LZIC: variants seen among roughly 807,000 people sequenced by gnomAD.
LZIC encodes protein LZIC.
Under a neutral mutation model 25.4 loss-of-function variants are expected in LZIC, and 28 were observed. The observed-to-expected ratio is 1.10, with a 90% CI of 0.82 to 1.51. LZIC has a LOEUF of 1.51. Among genes scored for constraint, LZIC ranks in the 40% most tolerant of loss-of-function variants. The pLI is 0.00. For synonymous variants in LZIC, 65 were observed against 70.7 expected (o/e 0.92, Z 0.40); for missense variants, 170 against 211.1 (o/e 0.81, Z 1.21).
chr1:9,942,994 G>C (rs1640834527), intron 1 of LZIC: 1 of 343,610 alleles, frequency 2.9e-6, no homozygotes, highest in Non-Finnish European at 5.8e-6. Context: ...CACGCCTTGA[G>C]GGATGGCGTC....
Position 9,930,206 on chromosome 1 carries a change from G to A in LZIC, c.*193C>T. The A allele has an allele frequency of 1.4e-6, 2 of 1,416,728 alleles. No homozygotes were observed. Among genetic ancestry groups the A allele is most frequent in the Non-Finnish European group, 1.8e-6 (2 of 1,081,648 alleles). The allele number at this position is 1,416,728 out of a possible 1,614,324, so 87.8% of individuals were successfully genotyped here. On this transcript the variant is annotated 3_prime_UTR_variant, in exon 8 of 8. Transcript: ENST00000377223. The stretch of plus-strand genomic sequence containing the variant: ...TCGCAACAAGTTCAGGATCACTCAA[G>A]CAGGTAACCGCACACAACGCACAAT...
downstream of LZIC, among the ~76,000 whole-genome samples, chr1:9,924,397 C>T (rs1293307211): frequency 1.3e-5 from 2 of 152,072 alleles, no homozygotes; most frequent in African/African-American, 2.4e-5. Flanking sequence ...CTCTGTCACC[C>T]AGGCTGGAGT....
chr1:9,930,917 C>G (rs1640184799), intron 7 of LZIC, among the ~76,000 whole-genome samples: 1 of 151,914 alleles, frequency 6.6e-6, no homozygotes, highest in South Asian at 2.1e-4. Context: ...GAGGGTTTCA[C>G]CCTGTTGGCC....
At chr1:9,925,280 TC>T (rs1639954437), downstream of LZIC, among the ~76,000 whole-genome samples, 1 of 151,892 alleles carries the variant, frequency 6.6e-6, no homozygotes, top group Non-Finnish European at 1.5e-5. Flanking sequence ...GCCATTGCAC[TC>T]CAGCCTGGGC....
In LZIC at chr1:9,930,222, A is replaced by G; in HGVS notation, c.*177T>C. On this transcript the variant is annotated 3_prime_UTR_variant, in exon 8 of 8. Transcript: ENST00000377223. ...ATCACTCAAGCAGGTAACCGCACAC[A>G]ACGCACAATGATGAAGAGCATAAAC... is the stretch of plus-strand genomic sequence containing the variant. 3 of 1,461,406 alleles carry G rather than the reference A, an allele frequency of 2.1e-6. No homozygotes were observed. Among genetic ancestry groups the G allele is most frequent in the Non-Finnish European group, 1.8e-6 (2 of 1,105,946 alleles). 90.5% of individuals were successfully genotyped at this position (1,461,406 alleles called of 1,614,324 possible).
downstream of LZIC, among the ~76,000 whole-genome samples, chr1:9,923,954 G>T (rs1343098876): frequency 6.6e-6 from 1 of 152,122 alleles, no homozygotes; most frequent in Non-Finnish European, 1.5e-5. Context: ...GTTTCACCAT[G>T]TTGGCCAGGC....
intron 3 of LZIC, 74 bp from the exon 4 acceptor site, chr1:9,935,701 A>T: frequency 7.5e-7 from 1 of 1,327,554 alleles, no homozygotes; most frequent in Non-Finnish European, 1.0e-6. Flanking sequence ...ATACTTGTAC[A>T]TTAGAGAAAG....
At chr1:9,936,022 G>A (rs1640438098) in intron 3 of LZIC, among the ~76,000 whole-genome samples, 1 of 151,902 alleles carries the variant, frequency 6.6e-6, no homozygotes, top group South Asian at 2.1e-4. Flanking sequence ...CCAGCTACTC[G>A]GGAGGCTGAG....
chr1:9,941,189 GTTCT>G (rs1181938986), intron 2 of LZIC, among the ~76,000 whole-genome samples: 1 of 114,566 alleles, frequency 8.7e-6, no homozygotes, highest in South Asian at 2.7e-4. Context: ...TCGTTCGTTC[GTTCT>G]TTCTTTCCTC....
intron 7 of LZIC, among the ~76,000 whole-genome samples, chr1:9,931,497 C>T (rs536115261): frequency 2.1e-4 from 32 of 151,868 alleles, no homozygotes; most frequent in Non-Finnish European, 4.3e-4. Flanking sequence ...CTCCTGACCT[C>T]GTGATCTGCC....
intron 6 of LZIC, 82 bp from the exon 7 acceptor site, chr1:9,932,054 G>T: frequency 9.6e-7 from 1 of 1,045,182 alleles, no homozygotes; most frequent in Non-Finnish European, 1.4e-6. Context: ...GTCTTAGGAG[G>T]CTGGGCACCG....
At position 9,929,852 on chromosome 1, in the gene LZIC, G is replaced by GA. The variant is rs1448297126; in HGVS notation, c.*546dup. The GA allele has an allele frequency of 1.0e-6, 1 of 978,376 alleles. No individual in the cohort carries two copies. The highest frequency in any genetic ancestry group is 6.2e-5 in the Admixed American group (1 of 16,228). The allele number at this position is 978,376 out of a possible 1,614,324, so 60.6% of individuals were successfully genotyped here. A position where few individuals can be genotyped will look rare whatever the true frequency, so the allele number is the denominator to read the frequency against. On this transcript the variant is annotated 3_prime_UTR_variant, in exon 8 of 8. Transcript: ENST00000377223. ...TACTAAACTGGGAGTCAGGACACCTGAGTCTTACCCTCAGCTCTCTGATGC... is the reference window on the plus strand; with the variant it reads ...TACTAAACTGGGAGTCAGGACACCTGAAGTCTTACCCTCAGCTCTCTGATGC...
At chr1:9,938,650 C>G (rs1640561355) in intron 2 of LZIC, among the ~76,000 whole-genome samples, 1 of 152,104 alleles carries the variant, frequency 6.6e-6, no homozygotes, top group Non-Finnish European at 1.5e-5. Flanking sequence ...CTCCTAAGAT[C>G]AAGCAATGAA....
intron 2 of LZIC, among the ~76,000 whole-genome samples, chr1:9,941,902 A>G (rs1331731500): frequency 6.6e-6 from 1 of 152,034 alleles, no homozygotes; most frequent in Non-Finnish European, 1.5e-5. Flanking sequence ...CTTCTTCTTT[A>G]GCATTCAAAT....
chr1:9,931,454 G>C (rs908311594), intron 7 of LZIC, among the ~76,000 whole-genome samples: 2 of 152,096 alleles, frequency 1.3e-5, no homozygotes, highest in Non-Finnish European at 2.9e-5. Context: ...CGTAGAGACA[G>C]GGTTTCACTG....
chr1:9,942,847 T>G (rs903818635), intron 1 of LZIC, 65 bp from the exon 2 acceptor site: 10 of 455,618 alleles, frequency 2.2e-5, no homozygotes. Context: ...CCTAAGGCAG[T>G]CCAGATAACT....
chr1:9,924,695 T>A (rs1639937503), downstream of LZIC, among the ~76,000 whole-genome samples: 2 of 152,128 alleles, frequency 1.3e-5, no homozygotes, highest in Admixed American at 1.3e-4. Context: ...TCCGCCACAT[T>A]GCTCAGGCTG....
At chr1:9,937,847 C>CAA (rs34452687) in intron 2 of LZIC, among the ~76,000 whole-genome samples, 673 of 52,452 alleles carry the variant, frequency 0.013, 2 homozygotes, top group African/African-American at 0.015. Context: ...GACCCTGACT[C>CAA]AAAAAAAAAA....
chr1:9,933,191 C>G (rs1640302862), intron 5 of LZIC, among the ~76,000 whole-genome samples: 2 of 128,488 alleles, frequency 1.6e-5, no homozygotes, highest in African/African-American at 3.0e-5. Flanking sequence ...GGAGGTGGAG[C>G]TTGCAGTGAG....
Sources: allele counts gnomAD v4.1 joint callset (sites outside exome capture counted in the v4.1 genomes callset), GRCh38; gene constraint gnomAD v4.1.1; transcripts MANE v1.5; gene names NCBI Gene and HGNC (gene_info 2026-07-23, HGNC 2026-07-21).